Variants in NAV3 observed in about 807,000 individuals in gnomAD.
NAV3 encodes the protein neuron navigator 3, also known as pore membrane and/or filament interacting like protein 1.
A neutral mutation model predicts 244.7 loss-of-function variants in NAV3; 87 were observed. That is an observed-to-expected ratio of 0.36 (90% CI 0.30 to 0.42). NAV3 has a LOEUF of 0.42. NAV3 is among the 20% of genes least tolerant of loss of function. The pLI, the probability that NAV3 is intolerant of heterozygous loss-of-function variation, is 1.00. For missense variants in NAV3, 2,663 were observed against 2,893.3 expected (o/e 0.92, Z 1.83); for synonymous variants, 1,126 against 1,042.2 (o/e 1.08, Z -1.55).
At chr12:77,802,863 T>G (rs1294176027) in intron 2 of NAV3, among the ~76,000 whole-genome samples, 1 of 152,058 alleles carries the variant, frequency 6.6e-6, no homozygotes, top group African/African-American at 2.4e-5. Context: ...GAGATGGGGT[T>G]TCACCATGTT....
chr12:78,172,204 T>G (rs1278553818), intron 24 of NAV3, among the ~76,000 whole-genome samples: 3 of 151,702 alleles, frequency 2.0e-5, no homozygotes, highest in African/African-American at 4.8e-5. Context: ...TATGGAATTG[T>G]TTTTCCTTAA....
intron 1 of NAV3, among the ~76,000 whole-genome samples, chr12:77,853,374 CAT>C (rs1448992113): frequency 2.0e-5 from 3 of 152,188 alleles, no homozygotes; most frequent in Non-Finnish European, 4.4e-5. Context: ...ATTTTCTGCA[CAT>C]GAGTCCTTTG....
intron 2 of NAV3, among the ~76,000 whole-genome samples, chr12:77,612,182 A>C (rs1469001434): frequency 6.6e-6 from 1 of 151,762 alleles, no homozygotes; most frequent in Non-Finnish European, 1.5e-5. Context: ...ATTATATTAT[A>C]ATATTATTTT....
chr12:78,129,267 T>G (rs1956060682), intron 18 of NAV3, among the ~76,000 whole-genome samples: 1 of 152,214 alleles, frequency 6.6e-6, no homozygotes, highest in Admixed American at 6.5e-5. Context: ...TCCTTATTTA[T>G]TTGTCTGAAA....
Position 78,118,098 on chromosome 12 carries a change from A to G in NAV3, c.2841A>G (p.Pro947=), listed in dbSNP as rs748644276. 1 of 1,614,018 alleles carries G rather than the reference A, an allele frequency of 6.2e-7. No individual in the cohort carries two copies. The highest frequency in any genetic ancestry group is 1.7e-5 in the Admixed American group (1 of 60,024). ...TWDSPEELKK[P]EEDFDSHGDA... The stretch of plus-strand genomic sequence containing the variant: ...ATAGTCCTGAGGAACTGAAAAAACC[A>G]GAAGAAGATTTTGACAGCCATGGGG... The change falls in exon 14 of 40, where the codon CCA becomes CCG. Residue 947 remains proline (P), a synonymous_variant. Coordinates refer to ENST00000397909, the MANE Select transcript of NAV3 (RefSeq NM_001024383.2).
chr12:77,878,914 C>T (rs984319007), intron 1 of NAV3, among the ~76,000 whole-genome samples: 2 of 152,122 alleles, frequency 1.3e-5, no homozygotes, highest in African/African-American at 2.4e-5. Context: ...AACCTCATTA[C>T]ATTCCAGTAA....
intron 1 of NAV3, among the ~76,000 whole-genome samples, chr12:77,893,521 G>A (rs977837570): frequency 6.6e-6 from 1 of 151,748 alleles, no homozygotes; most frequent in Non-Finnish European, 1.5e-5. Flanking sequence ...ATTGATACAT[G>A]GCATCTTATT....
At chr12:77,909,893 T>C (rs563557127) in intron 1 of NAV3, among the ~76,000 whole-genome samples, 2 of 152,168 alleles carry the variant, frequency 1.3e-5, no homozygotes, top group Admixed American at 1.3e-4. Context: ...TTTTTCATGG[T>C]GGGATAGATA....
At chr12:77,617,235 C>T (rs551192748) in intron 2 of NAV3, among the ~76,000 whole-genome samples, 1 of 152,118 alleles carries the variant, frequency 6.6e-6, no homozygotes, top group Non-Finnish European at 1.5e-5. Flanking sequence ...ACTGTAGTAG[C>T]CAGTCCCCAG....
intron 2 of NAV3, among the ~76,000 whole-genome samples, chr12:77,751,036 C>T (rs144730355): frequency 1.4e-4 from 22 of 152,154 alleles, no homozygotes; most frequent in East Asian, 1.2e-3. Flanking sequence ...TGTTTATTAA[C>T]GAGTTGGGCT....
At chr12:77,745,507 G>T (rs956396020) in intron 2 of NAV3, among the ~76,000 whole-genome samples, 1 of 152,048 alleles carries the variant, frequency 6.6e-6, no homozygotes, top group Non-Finnish European at 1.5e-5. Flanking sequence ...AAGATAACCA[G>T]ATATTCAGGG....
intron 2 of NAV3, among the ~76,000 whole-genome samples, chr12:77,735,129 G>T (rs1877283849): frequency 2.0e-5 from 3 of 152,032 alleles, no homozygotes; most frequent in African/African-American, 4.8e-5. Context: ...TCACATAATT[G>T]TAAGTATTTA....
intron 9 of NAV3, among the ~76,000 whole-genome samples, chr12:78,043,879 T>C (rs1593369927): frequency 6.6e-6 from 1 of 152,216 alleles, no homozygotes; most frequent in African/African-American, 2.4e-5. Flanking sequence ...ATTCTGTAGG[T>C]TGCCTGTTCA....
At chr12:78,187,531 T>C (rs1032252774) in intron 31 of NAV3, among the ~76,000 whole-genome samples, 1 of 151,934 alleles carries the variant, frequency 6.6e-6, no homozygotes, top group African/African-American at 2.4e-5. Context: ...CTTTCTAATA[T>C]ATGTAGAAAT....
chr12:78,009,461 A>AG (rs1326519579), intron 8 of NAV3, among the ~76,000 whole-genome samples: 4 of 148,626 alleles, frequency 2.7e-5, no homozygotes, highest in African/African-American at 1.0e-4. Context: ...AAAAAAAAAA[A>AG]AAAAAAAAAA....
intron 38 of NAV3, among the ~76,000 whole-genome samples, chr12:78,202,708 G>A (rs1959843997): frequency 6.6e-6 from 1 of 152,046 alleles, no homozygotes; most frequent in African/African-American, 2.4e-5. Flanking sequence ...GTGATTTAGG[G>A]CTTTTTGGGG....
chr12:77,709,287 T>C (rs1458965759), intron 2 of NAV3, among the ~76,000 whole-genome samples: 6 of 152,194 alleles, frequency 3.9e-5, no homozygotes, highest in African/African-American at 1.4e-4. Context: ...AAATTAGGTA[T>C]TGATGGGACG....
intron 20 of NAV3, among the ~76,000 whole-genome samples, chr12:78,142,477 T>C (rs1044003659): frequency 2.0e-5 from 3 of 151,824 alleles, no homozygotes; most frequent in South Asian, 4.1e-4. Context: ...TTAATTTACA[T>C]TGAAATAGCC....
intron 18 of NAV3, 149 bp from the exon 19 acceptor site, chr12:78,137,028 A>G: frequency 1.6e-6 from 1 of 642,572 alleles, no homozygotes; most frequent in Non-Finnish European, 2.4e-6. Flanking sequence ...GTTATTGAAC[A>G]TTTCAGAGGC....
Sources: gnomAD v4.1 joint callset for allele counts (sites outside exome capture counted in the v4.1 genomes callset) on GRCh38, gnomAD v4.1.1 for gene constraint, MANE v1.5 for transcripts, NCBI Gene and HGNC (gene_info 2026-07-23, HGNC 2026-07-21) for gene names.